Variants in GALNT9 observed in about 807,000 individuals in gnomAD.
GALNT9 encodes the protein polypeptide N-acetylgalactosaminyltransferase 9, also known as GalNAc transferase 9.
GALNT9 carries 47 observed loss-of-function variants against 63.1 expected under a neutral mutation model. The ratio of observed to expected loss-of-function variants is 0.75; its 90% CI spans 0.59 to 0.95. GALNT9 has a LOEUF of 0.95. GALNT9 is among the 40% of genes least tolerant of loss of function. GALNT9 has a pLI of 0.00. For missense variants in GALNT9, 829 were observed against 874.8 expected, an observed-to-expected ratio of 0.95 and a Z score of 0.66; for synonymous variants, 396 against 365.7, an observed-to-expected ratio of 1.08 and a Z score of -0.94.
At chr12:132,223,024 C>CACACA (rs1877526619) in intron 6 of GALNT9, among the ~76,000 whole-genome samples, 1 of 89,968 alleles carries the variant, frequency 1.1e-5, no homozygotes, top group Non-Finnish European at 2.4e-5. Context: ...ACACCCTACA[C>CACACA]AACCCGTACC....
chr12:132,263,786 G>A (rs1012988494), intron 2 of GALNT9, among the ~76,000 whole-genome samples: 1 of 152,202 alleles, frequency 6.6e-6, no homozygotes, highest in African/African-American at 2.4e-5. Context: ...ACAGGCACCG[G>A]CTGGGCCCGT....
At chr12:132,287,169 C>T (rs1880632975) in intron 1 of GALNT9, among the ~76,000 whole-genome samples, 1 of 151,506 alleles carries the variant, frequency 6.6e-6, no homozygotes, top group Non-Finnish European at 1.5e-5. Context: ...CCCCCGTGAG[C>T]CACGGCCCTC....
rs1427263026 is a variant in GALNT9, at chr12:132,246,222, T to C, written c.1077+1688A>G. On this transcript the variant is annotated intron_variant, in intron 6 of 10. Coordinates refer to ENST00000328957, the MANE Select transcript of GALNT9 (RefSeq NM_001122636.2). The surrounding 1 kb of genome is among the most constrained non-coding windows in gnomAD (Gnocchi z 4.7). ...TATTAAAGAACCTGCCAGATTAACT[T>C]CCAGCTTCCATTTTAAAAATGTGTA... Among the ~76,000 whole-genome samples, 1 of 152,224 alleles carries C rather than the reference T, an allele frequency of 6.6e-6. No individual in the cohort carries two copies. Among genetic ancestry groups the C allele is most frequent in the Admixed American group, 6.5e-5 (1 of 15,284 alleles).
At chr12:132,244,048 G>A (rs1048981049) in intron 6 of GALNT9, among the ~76,000 whole-genome samples, 8 of 150,826 alleles carry the variant, frequency 5.3e-5, no homozygotes, top group Admixed American at 2.0e-4. Context: ...CCTCAGGGGC[G>A]GCAACGTGCA....
intron 6 of GALNT9, among the ~76,000 whole-genome samples, chr12:132,215,554 C>T (rs1435331580): frequency 5.9e-5 from 9 of 152,250 alleles, no homozygotes; most frequent in Non-Finnish European, 1.0e-4. Context: ...GGGACCACTC[C>T]GAGGGCCAGG....
At chr12:132,214,043 G>A (rs1877082868) in intron 6 of GALNT9, among the ~76,000 whole-genome samples, 1 of 152,192 alleles carries the variant, frequency 6.6e-6, no homozygotes, top group East Asian at 1.9e-4. Flanking sequence ...GGGGATGGGG[G>A]TCTGGGCCCC....
At chr12:132,203,329 A>C (rs532152199) in intron 7 of GALNT9, among the ~76,000 whole-genome samples, 176 bp downstream of exon 7, 2 of 152,016 alleles carry the variant, frequency 1.3e-5, no homozygotes, top group South Asian at 4.1e-4. Flanking sequence ...CTTCCCAGGC[A>C]GACAGCTCAC....
At position 132,319,808 on chromosome 12, in the gene GALNT9, C is replaced by T. The variant is rs782140954; in HGVS notation, c.238+9158G>A. On this transcript the variant is annotated intron_variant, in intron 1 of 10. Coordinates refer to ENST00000328957, the MANE Select transcript of GALNT9 (RefSeq NM_001122636.2). The surrounding 1 kb of genome is among the most constrained non-coding windows in gnomAD (Gnocchi z 5.2). Reference sequence around the variant, plus strand: ...GAAGACATTCCTCGGGCCTGGGTGCCCAGCCTCCCGCGTCCTTCTAGGGAG... The same window carrying T: ...GAAGACATTCCTCGGGCCTGGGTGCTCAGCCTCCCGCGTCCTTCTAGGGAG... 6.6e-5 allele frequency among the ~76,000 whole-genome samples: 10 copies of T among 152,212 alleles called. No individual in the cohort carries two copies. Among genetic ancestry groups the T allele is most frequent in the Non-Finnish European group, 1.3e-4 (9 of 68,032 alleles).
In GALNT9 at chr12:132,327,628, A is replaced by C. The variant is rs1380029730; in HGVS notation, c.238+1338T>G. ...TGCCGGGCGGCTGGGCGGCTGCTTG[A>C]ACTACTTTTCTCCCCTCGTGGCTCC... On this transcript the variant is annotated intron_variant, in intron 1 of 10. Transcript: ENST00000328957. This position sits in a 1 kb window ranked among gnomAD's most constrained non-coding sequence, Gnocchi z 4.3. 1.3e-5 allele frequency among the ~76,000 whole-genome samples: 2 copies of C among 152,018 alleles called. No homozygotes were observed. Among genetic ancestry groups the C allele is most frequent in the Non-Finnish European group, 2.9e-5 (2 of 67,994 alleles).
intron 8 of GALNT9, among the ~76,000 whole-genome samples, chr12:132,199,531 C>T (rs566009487): frequency 5.2e-4 from 79 of 152,246 alleles, no homozygotes; most frequent in African/African-American, 1.8e-3. Flanking sequence ...GCAGCAGGGA[C>T]GACGGCCCCA....
chr12:132,297,386 A>G (rs534555795), intron 1 of GALNT9, among the ~76,000 whole-genome samples: 1 of 151,748 alleles, frequency 6.6e-6, no homozygotes, highest in South Asian at 2.1e-4. Context: ...ACTCACTCCC[A>G]TGATAACCAA....
At chr12:132,197,984 T>C (rs1298423331) in intron 9 of GALNT9, 25 bp from the exon 10 acceptor site, 1 of 1,584,446 alleles carries the variant, frequency 6.3e-7, no homozygotes, top group Non-Finnish European at 8.6e-7. Context: ...ACCGGGACTG[T>C]GTGTGAGCAG....
intron 7 of GALNT9, 65 bp from the exon 8 acceptor site, chr12:132,201,326 T>C: frequency 8.4e-7 from 1 of 1,191,426 alleles, no homozygotes; most frequent in Non-Finnish European, 1.2e-6. Context: ...TTCCCCATAA[T>C]GAGGTTGGGG....
At chr12:132,271,433 T>C (rs1205559709) in intron 2 of GALNT9, among the ~76,000 whole-genome samples, 1 of 152,176 alleles carries the variant, frequency 6.6e-6, no homozygotes, top group African/African-American at 2.4e-5. Context: ...TTTGAACCAA[T>C]TTTATCACAC....
At chr12:132,218,673 G>A (rs7306456) in intron 6 of GALNT9, among the ~76,000 whole-genome samples, 7 of 152,032 alleles carry the variant, frequency 4.6e-5, no homozygotes, top group Admixed American at 2.6e-4. Flanking sequence ...TGTATTTATC[G>A]CTGGAAAGGC....
At chr12:132,328,347 C>T (rs1381100336) in intron 1 of GALNT9, among the ~76,000 whole-genome samples, 2 of 152,192 alleles carry the variant, frequency 1.3e-5, no homozygotes. Flanking sequence ...CCAAGCCCTG[C>T]ATGATCCTCA....
At chr12:132,261,893 G>A (rs1211265415) in intron 3 of GALNT9, among the ~76,000 whole-genome samples, 2 of 149,912 alleles carry the variant, frequency 1.3e-5, no homozygotes, top group Non-Finnish European at 2.9e-5. Context: ...GCCCTCAGGG[G>A]ACCTGAAGCT....
At chr12:132,212,240 G>A (rs1375815824) in intron 6 of GALNT9, among the ~76,000 whole-genome samples, 3 of 117,950 alleles carry the variant, frequency 2.5e-5, no homozygotes, top group African/African-American at 1.0e-4. Context: ...CTCAGACCTC[G>A]ACACGGAAAC....
chr12:132,323,412 G>C lies in GALNT9; in HGVS notation c.238+5554C>G, dbSNP rs562838848. On this transcript the variant is annotated intron_variant, in intron 1 of 10. Coordinates refer to ENST00000328957, the MANE Select transcript of GALNT9 (RefSeq NM_001122636.2). ...CCGCCCCAAGGGAAGTGGCTGACAA[G>C]TGTTTAGGAACTCATCTCCCCCAAG... 4.5e-4 allele frequency among the ~76,000 whole-genome samples: 68 copies of C among 152,324 alleles called. No individual in the cohort carries two copies. The South Asian group carries it at 1.0e-2, about 22-fold the overall frequency.
Sources: gnomAD v4.1 joint callset for allele counts (sites outside exome capture counted in the v4.1 genomes callset) on GRCh38, gnomAD v4.1.1 for gene constraint, Gnocchi (gnomAD v3.1) non-coding constraint, MANE v1.5 for transcripts, NCBI Gene and HGNC (gene_info 2026-07-23, HGNC 2026-07-21) for gene names.